EXOC6B: variants seen among roughly 807,000 people sequenced by gnomAD.
EXOC6B encodes SEC15 homolog B.
Under a neutral mutation model 113.5 loss-of-function variants are expected in EXOC6B, and 54 were observed. That is an observed-to-expected ratio of 0.48 (90% confidence interval 0.38 to 0.60). The LOEUF is 0.60. Ranked by LOEUF, EXOC6B falls within the 20% of genes least tolerant of loss-of-function variation. The probability of loss-of-function intolerance (pLI) is 0.00; values close to 1 mark genes in which losing one functional copy is unlikely to be tolerated. For missense variants in EXOC6B, 797 were observed against 977.5 expected, an observed-to-expected ratio of 0.82 and a Z score of 2.46; for synonymous variants, 357 against 339.0, an observed-to-expected ratio of 1.05 and a Z score of -0.58.
intron 6 of EXOC6B, among the ~76,000 whole-genome samples, chr2:72,666,461 C>G (rs1259220551): frequency 6.6e-6 from 1 of 151,958 alleles, no homozygotes; most frequent in Non-Finnish European, 1.5e-5. Context: ...GATCACAGAA[C>G]TATAAGAAGA....
At chr2:72,752,971 CAT>C (rs199599783) in intron 1 of EXOC6B, among the ~76,000 whole-genome samples, 19 of 151,972 alleles carry the variant, frequency 1.3e-4, no homozygotes, top group Middle Eastern at 3.4e-3. Context: ...TCACTCTTCA[CAT>C]ATATATATAC....
intron 19 of EXOC6B, among the ~76,000 whole-genome samples, chr2:72,364,195 T>A (rs1690477195): frequency 6.6e-6 from 1 of 152,076 alleles, no homozygotes; most frequent in South Asian, 2.1e-4. Context: ...AAGATTTTTT[T>A]ATAGACCACT....
intron 6 of EXOC6B, among the ~76,000 whole-genome samples, chr2:72,710,386 A>G (rs1679193896): frequency 6.6e-6 from 1 of 152,140 alleles, no homozygotes; most frequent in South Asian, 2.1e-4. Context: ...TTTCAGAAGC[A>G]TATGTAATAC....
intron 7 of EXOC6B, among the ~76,000 whole-genome samples, chr2:72,560,439 C>A (rs985124182): frequency 5.9e-5 from 9 of 152,066 alleles, no homozygotes; most frequent in Non-Finnish European, 1.2e-4. Context: ...TATAATTCAT[C>A]AGAATATAAG....
At chr2:72,555,815 T>G (rs1703508753) in intron 8 of EXOC6B, among the ~76,000 whole-genome samples, 1 of 151,994 alleles carries the variant, frequency 6.6e-6, no homozygotes, top group Non-Finnish European at 1.5e-5. Context: ...CCTGGCTAAT[T>G]TTTGTATTTT....
intron 1 of EXOC6B, among the ~76,000 whole-genome samples, chr2:72,743,474 C>T (rs553445398): frequency 2.8e-4 from 42 of 152,204 alleles, no homozygotes; most frequent in African/African-American, 9.9e-4. Context: ...AAAGCCTCTT[C>T]CCGCCTCAAG....
At chr2:72,637,990 A>T (rs1672966357) in intron 6 of EXOC6B, among the ~76,000 whole-genome samples, 1 of 152,160 alleles carries the variant, frequency 6.6e-6, no homozygotes, top group South Asian at 2.1e-4. Context: ...ATCAGTAGAA[A>T]ATAAAAAATA....
chr2:72,502,961 T>C (rs1285570644), intron 11 of EXOC6B, among the ~76,000 whole-genome samples: 3 of 152,186 alleles, frequency 2.0e-5, no homozygotes, highest in Non-Finnish European at 4.4e-5. Flanking sequence ...GTCTCATCTA[T>C]TTAATCTCTG....
At chr2:72,205,147 C>A (rs1434733556) in intron 20 of EXOC6B, among the ~76,000 whole-genome samples, 1 of 152,118 alleles carries the variant, frequency 6.6e-6, no homozygotes, top group East Asian at 1.9e-4. Flanking sequence ...GACAGAGCAG[C>A]AGGCAGGGGA....
chr2:72,710,864 C>G (rs754618829), intron 6 of EXOC6B, among the ~76,000 whole-genome samples: 3 of 152,136 alleles, frequency 2.0e-5, no homozygotes, highest in Non-Finnish European at 4.4e-5. Context: ...TGCCTAGGAG[C>G]CTTCAATATC....
intron 6 of EXOC6B, among the ~76,000 whole-genome samples, chr2:72,675,831 C>A (rs913634712): frequency 6.6e-6 from 1 of 151,608 alleles, no homozygotes; most frequent in Non-Finnish European, 1.5e-5. Flanking sequence ...GGCGGGGGGG[C>A]GGACAATGTA....
At chr2:72,619,108 T>C (rs1671581315) in intron 6 of EXOC6B, among the ~76,000 whole-genome samples, 1 of 151,956 alleles carries the variant, frequency 6.6e-6, no homozygotes, top group Admixed American at 6.6e-5. Flanking sequence ...CTACGAGACC[T>C]GGAAATGTTA....
intron 1 of EXOC6B, among the ~76,000 whole-genome samples, chr2:72,758,292 A>G (rs925940358): frequency 2.0e-5 from 3 of 151,876 alleles, no homozygotes; most frequent in Non-Finnish European, 2.9e-5. Context: ...ATGTTATTTT[A>G]TTATCCCTCA....
chr2:72,310,826 C>G (rs1461174082), intron 20 of EXOC6B, among the ~76,000 whole-genome samples: 1 of 150,614 alleles, frequency 6.6e-6, no homozygotes, highest in East Asian at 2.0e-4. Flanking sequence ...ATATGCCAGG[C>G]ATTTTACATG....
chr2:72,584,775 T>A (rs1705445474), intron 6 of EXOC6B, among the ~76,000 whole-genome samples: 1 of 151,938 alleles, frequency 6.6e-6, no homozygotes, highest in Non-Finnish European at 1.5e-5. Flanking sequence ...AAGTCTCAAA[T>A]TAAAAGAAAA....
At chr2:72,231,524 T>C (rs867860423) in intron 20 of EXOC6B, among the ~76,000 whole-genome samples, 1 of 152,090 alleles carries the variant, frequency 6.6e-6, no homozygotes, top group Non-Finnish European at 1.5e-5. Flanking sequence ...TACATACAAA[T>C]TTAAAATAAG....
intron 6 of EXOC6B, among the ~76,000 whole-genome samples, chr2:72,610,050 G>A (rs908335745): frequency 3.3e-5 from 5 of 152,070 alleles, no homozygotes; most frequent in Admixed American, 2.6e-4. Flanking sequence ...ACATCCTTAG[G>A]TGAACGAACA....
intron 6 of EXOC6B, among the ~76,000 whole-genome samples, chr2:72,675,609 A>G (rs1676240313): frequency 6.6e-6 from 1 of 152,156 alleles, no homozygotes; most frequent in Non-Finnish European, 1.5e-5. Flanking sequence ...CCTGGGAAAC[A>G]TGGCAAAATC....
chr2:72,645,846 T>C (rs986370591), intron 6 of EXOC6B, among the ~76,000 whole-genome samples: 2 of 152,006 alleles, frequency 1.3e-5, no homozygotes, highest in African/African-American at 4.8e-5. Context: ...GCAGGAAAGA[T>C]CTAAAATCAA....
Sources: gnomAD v4.1 joint callset for allele counts (sites outside exome capture counted in the v4.1 genomes callset) on GRCh38, gnomAD v4.1.1 for gene constraint, MANE v1.5 for transcripts, NCBI Gene and HGNC (gene_info 2026-07-23, HGNC 2026-07-21) for gene names.